The following KLHL3 variants were observed in gnomAD, a reference collection of about 807,000 sequenced individuals.
KLHL3 encodes the protein kelch like family member 3, also known as kelch-like protein 3.
A neutral mutation model predicts 70.5 loss-of-function variants in KLHL3; 19 were observed. The observed-to-expected ratio is 0.27, with a 90% CI of 0.19 to 0.40. KLHL3 has a LOEUF of 0.40. Among genes scored for constraint, KLHL3 ranks in the 10% least tolerant of loss-of-function variants. KLHL3 has a pLI of 1.00. For missense variants in KLHL3, 512 were observed against 771.1 expected (o/e 0.66, Z 3.98); for synonymous variants, 258 against 290.3 (o/e 0.89, Z 1.13).
chr5:137,637,205 G>A (rs1384961669), intron 11 of KLHL3, 89 bp downstream of exon 11: 20 of 1,035,122 alleles, frequency 1.9e-5, no homozygotes, highest in East Asian at 1.5e-4. Flanking sequence ...AAAAAAACAC[G>A]GTAGAGGAAG....
rs200722649 is a variant in KLHL3, at chr5:137,634,021, C to T, written c.1450+16G>A. ...AGCAAATCAGACACAGCCAGCACCC[C>T]GAGGTTCTCCCATACCTGCGCCACT... On this transcript the variant is annotated intron_variant, in intron 12 of 14. Transcript: ENST00000309755. The T allele has an allele frequency of 2.6e-5, 42 of 1,614,088 alleles. No individual in the cohort carries two copies. The African/African-American group carries it at 3.1e-4, about 12-fold the overall frequency.
rs574271744 is a variant in KLHL3, at chr5:137,640,237, T to C, written c.904-260A>G. ...CCCACTCGGGGCTATCTTGTGGGTATGTGAAGCCGCACAGGGCATCATCTG... is the reference window on the plus strand; with the variant it reads ...CCCACTCGGGGCTATCTTGTGGGTACGTGAAGCCGCACAGGGCATCATCTG... On this transcript the variant is annotated intron_variant, in intron 8 of 14. Coordinates refer to ENST00000309755, the MANE Select transcript of KLHL3 (RefSeq NM_017415.3). Among the ~76,000 whole-genome samples, 10 of 152,362 alleles carry C rather than the reference T, an allele frequency of 6.6e-5. No individual in the cohort carries two copies. The East Asian group carries it at 1.4e-3, about 21-fold the overall frequency.
At chr5:137,684,864 G>C (rs963214301) in intron 5 of KLHL3, among the ~76,000 whole-genome samples, 55 of 152,318 alleles carry the variant, frequency 3.6e-4, no homozygotes, top group African/African-American at 1.2e-3. Context: ...CTAAATGCGG[G>C]ACCTACCCTC....
At chr5:137,709,666 C>G (rs1561615883) in intron 3 of KLHL3, 84 bp downstream of exon 3, 1 of 1,068,072 alleles carries the variant, frequency 9.4e-7, no homozygotes, top group Non-Finnish European at 1.5e-6. Flanking sequence ...TCTTTCCTCC[C>G]TCCCCTCATG....
At chr5:137,696,955 C>A (rs1444214814) in intron 4 of KLHL3, among the ~76,000 whole-genome samples, 1 of 152,106 alleles carries the variant, frequency 6.6e-6, no homozygotes, top group Non-Finnish European at 1.5e-5. Context: ...GTGTAGCTCT[C>A]ACAGCCATTT....
chr5:137,628,527 C>A, intron 12 of KLHL3, 90 bp from the exon 13 acceptor site: 5 of 1,464,348 alleles, frequency 3.4e-6, no homozygotes. Flanking sequence ...ACAGCCCTGA[C>A]CAGTGAGGGG....
intron 6 of KLHL3, chr5:137,672,822 C>G (rs955264703): frequency 1.3e-5 from 2 of 152,186 alleles, no homozygotes; most frequent in African/African-American, 2.4e-5. Flanking sequence ...GTCACTGGGT[C>G]ACTGAGGATG....
At chr5:137,701,181 C>T (rs959692517) in intron 3 of KLHL3, among the ~76,000 whole-genome samples, 19 of 152,114 alleles carry the variant, frequency 1.2e-4, no homozygotes, top group Middle Eastern at 3.4e-3. Context: ...TACAGGCATG[C>T]GCCAGCATGC....
intron 6 of KLHL3, among the ~76,000 whole-genome samples, chr5:137,662,284 C>A (rs986434550): frequency 2.9e-5 from 4 of 138,590 alleles, no homozygotes; most frequent in African/African-American, 8.6e-5. Context: ...CACACACACA[C>A]AAGGACAAAC....
intron 5 of KLHL3, among the ~76,000 whole-genome samples, chr5:137,682,852 G>A (rs193017352): frequency 6.6e-6 from 1 of 152,206 alleles, no homozygotes; most frequent in Non-Finnish European, 1.5e-5. Context: ...TAGGGTTCAG[G>A]CAACCTCTCA....
At chr5:137,669,127 G>T (rs62374067) in intron 6 of KLHL3, among the ~76,000 whole-genome samples, 3,805 of 152,166 alleles carry the variant, frequency 0.025, 106 homozygotes, top group Non-Finnish European at 0.04. Flanking sequence ...TCATTTGCCT[G>T]ACATTACCCA....
chr5:137,682,403 T>TG (rs1752049132), intron 5 of KLHL3, among the ~76,000 whole-genome samples: 1 of 133,374 alleles, frequency 7.5e-6, no homozygotes, highest in Non-Finnish European at 1.6e-5. Context: ...GTGCTGGACA[T>TG]AGAGAGAGAG....
chr5:137,659,646 A>C (rs1240545455), intron 7 of KLHL3, among the ~76,000 whole-genome samples: 1 of 152,206 alleles, frequency 6.6e-6, no homozygotes, highest in East Asian at 1.9e-4. Flanking sequence ...ATGAGCAGCT[A>C]TTTCTCCAGA....
At chr5:137,658,509 A>G (rs547942835) in intron 7 of KLHL3, among the ~76,000 whole-genome samples, 1 of 152,222 alleles carries the variant, frequency 6.6e-6, no homozygotes, top group African/African-American at 2.4e-5. Context: ...AACGTCTCTG[A>G]TCCTCAGTTT....
chr5:137,661,661 GA>G (rs1170429621), intron 7 of KLHL3: 1 of 352,586 alleles, frequency 2.8e-6, no homozygotes, highest in Non-Finnish European at 5.1e-6. Context: ...AAGAAAAACT[GA>G]GGCTTGAAGA....
intron 6 of KLHL3, among the ~76,000 whole-genome samples, chr5:137,675,372 T>G (rs868716992): frequency 1.3e-5 from 2 of 152,308 alleles, no homozygotes; most frequent in Middle Eastern, 6.8e-3. Flanking sequence ...AATGGCAAAA[T>G]TGGTGCCATT....
chr5:137,633,906 C>T (rs965165055), intron 12 of KLHL3, 131 bp downstream of exon 12: 5 of 1,209,762 alleles, frequency 4.1e-6, no homozygotes, highest in Middle Eastern at 4.4e-4. Context: ...AGCCCAAACT[C>T]GACCATTATG....
intron 3 of KLHL3, among the ~76,000 whole-genome samples, chr5:137,699,999 C>T (rs375659863): frequency 1.3e-5 from 2 of 152,168 alleles, no homozygotes; most frequent in African/African-American, 4.8e-5. Context: ...GGAGACATTC[C>T]AAACCCCGCC....
intron 3 of KLHL3, chr5:137,706,215 G>C: frequency 2.0e-6 from 2 of 985,374 alleles, no homozygotes; most frequent in East Asian, 1.1e-4. Flanking sequence ...ACTCAAGTCA[G>C]AAGAAAGCCA....
Sources: allele counts gnomAD v4.1 joint callset (sites outside exome capture counted in the v4.1 genomes callset), GRCh38; gene constraint gnomAD v4.1.1; transcripts MANE v1.5; gene names NCBI Gene and HGNC (gene_info 2026-07-23, HGNC 2026-07-21).